Variants in PHACTR3 observed in about 807,000 individuals in gnomAD.
PHACTR3 encodes the protein phosphatase and actin regulator 3, also known as protein phosphatase 1, regulatory subunit 123.
A neutral mutation model predicts 66.8 loss-of-function variants in PHACTR3; 16 were observed. That is an observed-to-expected ratio of 0.24 (90% CI 0.16 to 0.36). PHACTR3 has a LOEUF of 0.36. Ranked by LOEUF, PHACTR3 falls within the 10% of genes least tolerant of loss-of-function variation. PHACTR3 has a pLI of 1.00. For missense variants in PHACTR3, 647 were observed against 719.9 expected, an observed-to-expected ratio of 0.90 and a Z score of 1.16; for synonymous variants, 323 against 292.1, an observed-to-expected ratio of 1.11 and a Z score of -1.08.
Position 59,806,177 on chromosome 20 carries a change from C to G in PHACTR3, c.1311C>G (p.Ile437Met). 3 of 1,614,042 alleles carry G rather than the reference C, an allele frequency of 1.9e-6. No individual in the cohort carries two copies. The highest frequency in any genetic ancestry group is 2.2e-5 in the South Asian group (2 of 91,058). Residue 437 changes from isoleucine to methionine, a missense_variant, in exon 8 of 13, where the codon ATC becomes ATG. Transcript: ENST00000371015. ...DEERQEIRQQ[I>M]EMKLSKRLSQ... ...AAAGACAGGAGATCCGGCAGCAGATCGAGATGAAGCTTTCCAAGTAAGTGG... is the reference window on the plus strand; with the variant it reads ...AAAGACAGGAGATCCGGCAGCAGATGGAGATGAAGCTTTCCAAGTAAGTGG...
chr20:59,755,628 AC>A (rs11350455), intron 4 of PHACTR3, among the ~76,000 whole-genome samples: 108,843 of 151,908 alleles, frequency 0.72, 39,328 homozygotes, highest in South Asian at 0.83. Flanking sequence ...TGGCACACCT[AC>A]CCCCCCTCCC....
chr20:59,692,295 T>A (rs1446838719), intron 1 of PHACTR3, among the ~76,000 whole-genome samples: 6 of 152,234 alleles, frequency 3.9e-5, no homozygotes, highest in Non-Finnish European at 7.3e-5. Context: ...TAAATAGAAT[T>A]GGGTGACAAC....
intron 1 of PHACTR3, among the ~76,000 whole-genome samples, chr20:59,620,868 T>G (rs2034205936): frequency 6.6e-6 from 1 of 152,182 alleles, no homozygotes; most frequent in Non-Finnish European, 1.5e-5. Context: ...AATGTATTAG[T>G]GAGTTCCATT....
intron 3 of PHACTR3, among the ~76,000 whole-genome samples, chr20:59,751,563 G>A (rs2039584023): frequency 6.6e-6 from 1 of 152,136 alleles, no homozygotes; most frequent in Non-Finnish European, 1.5e-5. Flanking sequence ...TCTGGGCAGG[G>A]CCAGCAGAAG....
intron 4 of PHACTR3, among the ~76,000 whole-genome samples, chr20:59,761,657 A>T (rs1362919962): frequency 6.6e-6 from 1 of 152,222 alleles, no homozygotes; most frequent in African/African-American, 2.4e-5. Flanking sequence ...TACTATCTGC[A>T]TCTGAACAGA....
intron 1 of PHACTR3, among the ~76,000 whole-genome samples, chr20:59,620,810 C>G: frequency 6.6e-6 from 1 of 152,212 alleles, no homozygotes. Context: ...TGCCAGTTGT[C>G]ACCATGGTGC....
chr20:59,711,731 AT>A (rs1221548554), intron 1 of PHACTR3, among the ~76,000 whole-genome samples: 2 of 152,202 alleles, frequency 1.3e-5, no homozygotes, highest in African/African-American at 4.8e-5. Flanking sequence ...CCCCGTCAAA[AT>A]TGCAATGGTT....
At chr20:59,813,877 C>T (rs58177185) in intron 8 of PHACTR3, among the ~76,000 whole-genome samples, 200 of 152,336 alleles carry the variant, frequency 1.3e-3, no homozygotes, top group African/African-American at 4.5e-3. Context: ...ACCTTCCTGA[C>T]CATCTCCCAG....
At chr20:59,584,724 T>C (rs1461283449) in intron 1 of PHACTR3, among the ~76,000 whole-genome samples, 2 of 152,194 alleles carry the variant, frequency 1.3e-5, no homozygotes, top group South Asian at 4.1e-4. Flanking sequence ...CCTTCACCCG[T>C]GCTGCTCCTT....
intron 11 of PHACTR3, 145 bp downstream of exon 11, chr20:59,841,680 T>G (rs1423876792): frequency 5.5e-6 from 5 of 903,800 alleles, no homozygotes; most frequent in Non-Finnish European, 7.8e-6. Flanking sequence ...TCAAAGATAA[T>G]TCAGGGTCAG....
intron 1 of PHACTR3, among the ~76,000 whole-genome samples, chr20:59,741,733 G>A (rs1172213578): frequency 6.6e-6 from 1 of 150,488 alleles, no homozygotes; most frequent in Admixed American, 6.6e-5. Context: ...CCAACAGCCA[G>A]GGCTCCCCAT....
chr20:59,842,047 A>C (rs547982366), intron 11 of PHACTR3, among the ~76,000 whole-genome samples: 12 of 152,342 alleles, frequency 7.9e-5, no homozygotes, highest in African/African-American at 2.9e-4. Context: ...CTCCCCCTGG[A>C]CTTGTGCAGT....
At chr20:59,816,917 T>C (rs148969391) in intron 8 of PHACTR3, among the ~76,000 whole-genome samples, 1 of 152,296 alleles carries the variant, frequency 6.6e-6, no homozygotes, top group African/African-American at 2.4e-5. Flanking sequence ...GGATGTTGTG[T>C]AGTTAGATGG....
chr20:59,841,091 T>C (rs1188169511), intron 10 of PHACTR3, among the ~76,000 whole-genome samples: 5 of 152,196 alleles, frequency 3.3e-5, no homozygotes, highest in Admixed American at 3.3e-4. Context: ...TAATTGTATC[T>C]GAAGCCAGTG....
rs116201310 is a variant in PHACTR3, at chr20:59,780,760, G to A, written c.1174+6270G>A. The stretch of plus-strand genomic sequence containing the variant: ...TTGCTGCAGGATTTGACCACCCCAC[G>A]TGCCTCGACATGTTTCTTTCTAGCT... On this transcript the variant is annotated intron_variant, in intron 7 of 12. Coordinates refer to ENST00000371015, the MANE Select transcript of PHACTR3 (RefSeq NM_080672.5). Among the ~76,000 whole-genome samples the A allele has an allele frequency of 2.7e-3, 412 of 152,248 alleles. 2 individuals carry two copies. The highest frequency in any genetic ancestry group is 9.4e-3 in the African/African-American group (389 of 41,528).
intron 7 of PHACTR3, among the ~76,000 whole-genome samples, chr20:59,785,864 T>TCCCCTGCC (rs1568820631): frequency 2.7e-5 from 4 of 148,882 alleles, no homozygotes; most frequent in African/African-American, 1.0e-4. Context: ...ATCCCCTGCT[T>TCCCCTGCC]CTGCATCCCC....
intron 2 of PHACTR3, among the ~76,000 whole-genome samples, chr20:59,747,170 A>G (rs996205731): frequency 1.3e-5 from 2 of 152,352 alleles, no homozygotes; most frequent in African/African-American, 4.8e-5. Context: ...GAATTGACAA[A>G]GATTTGGCAA....
At chr20:59,841,637 A>T (rs2059063506) in intron 11 of PHACTR3, 102 bp downstream of exon 11, 12 of 1,230,422 alleles carry the variant, frequency 9.8e-6, no homozygotes, top group Non-Finnish European at 1.3e-5. Flanking sequence ...GCCCTCAACT[A>T]TTTAAGGGTA....
At chr20:59,677,394 T>C (rs1041103170) in intron 1 of PHACTR3, among the ~76,000 whole-genome samples, 1 of 152,138 alleles carries the variant, frequency 6.6e-6, no homozygotes, top group East Asian at 1.9e-4. Context: ...TTTTGTGTGG[T>C]TTTACATTTG....
Sources: gnomAD v4.1 joint callset for allele counts (sites outside exome capture counted in the v4.1 genomes callset) on GRCh38, gnomAD v4.1.1 for gene constraint, MANE v1.5 for transcripts, NCBI Gene and HGNC (gene_info 2026-07-23, HGNC 2026-07-21) for gene names.